EXOC6B: variants seen among roughly 807,000 people sequenced by gnomAD.
EXOC6B encodes the protein SEC15 homolog B.
A neutral mutation model predicts 113.5 loss-of-function variants in EXOC6B; 54 were observed. That is an observed-to-expected ratio of 0.48 (90% CI 0.38 to 0.60). The LOEUF (loss-of-function observed/expected upper bound fraction) is 0.60, where lower values mean the gene tolerates loss of function less well. Ranked by LOEUF, EXOC6B falls within the 20% of genes least tolerant of loss-of-function variation. The pLI, the probability that EXOC6B is intolerant of heterozygous loss-of-function variation, is 0.00. For synonymous variants in EXOC6B, 357 were observed against 339.0 expected (o/e 1.05, Z -0.58); for missense variants, 797 against 977.5 (o/e 0.82, Z 2.46).
intron 20 of EXOC6B, among the ~76,000 whole-genome samples, chr2:72,316,358 C>G (rs1687513695): frequency 6.6e-6 from 1 of 152,152 alleles, no homozygotes; most frequent in African/African-American, 2.4e-5. Flanking sequence ...TGATAGCCCT[C>G]CTTCAGTAGC....
intron 20 of EXOC6B, among the ~76,000 whole-genome samples, chr2:72,298,386 C>T (rs1558533830): frequency 1.3e-5 from 2 of 152,074 alleles, no homozygotes; most frequent in Non-Finnish European, 2.9e-5. Context: ...TGTCTTTGCA[C>T]ATGAGATGGA....
At chr2:72,761,186 A>G (rs1457336930) in intron 1 of EXOC6B, among the ~76,000 whole-genome samples, 1 of 152,148 alleles carries the variant, frequency 6.6e-6, no homozygotes, top group Non-Finnish European at 1.5e-5. Context: ...CTCAAAAAAA[A>G]AAGACATATG....
At position 72,528,154 on chromosome 2, in the gene EXOC6B, A is replaced by G. The variant is rs4491747; in HGVS notation, c.916-13028T>C. Among the ~76,000 whole-genome samples the G allele has an allele frequency of 5.5e-3, 842 of 151,996 alleles. 10 individuals are homozygous for G. The highest frequency in any genetic ancestry group is 0.017 in the African/African-American group (688 of 41,526). ...CCTTAGATTCTGAAGATTTTCCCCT[A>G]TTTTTTTCTAAATGGTTTGAAGTTT... On this transcript the variant is annotated intron_variant, in intron 8 of 21. Transcript: ENST00000272427.
At chr2:72,624,132 GATC>G (rs1336046572) in intron 6 of EXOC6B, among the ~76,000 whole-genome samples, 2 of 152,000 alleles carry the variant, frequency 1.3e-5, no homozygotes, top group African/African-American at 2.4e-5. Flanking sequence ...ATCAAAATCA[GATC>G]ATCTTTTTTT....
At chr2:72,277,531 C>T (rs1055688237) in intron 20 of EXOC6B, among the ~76,000 whole-genome samples, 8 of 151,694 alleles carry the variant, frequency 5.3e-5, no homozygotes, top group African/African-American at 9.7e-5. Context: ...GTCACCCATG[C>T]TGGAGTGCAG....
At chr2:72,657,387 C>T (rs562453813) in intron 6 of EXOC6B, among the ~76,000 whole-genome samples, 77 of 151,272 alleles carry the variant, frequency 5.1e-4, no homozygotes, top group Non-Finnish European at 8.3e-4. Context: ...CACCACACAC[C>T]CAGCTAATAT....
intron 20 of EXOC6B, among the ~76,000 whole-genome samples, chr2:72,222,123 T>C (rs1418338284): frequency 1.3e-5 from 2 of 152,218 alleles, no homozygotes; most frequent in Non-Finnish European, 2.9e-5. Flanking sequence ...CCAGGGAAGA[T>C]GGGGACTCTT....
At chr2:72,185,489 A>ACT (rs1029617871) in intron 20 of EXOC6B, among the ~76,000 whole-genome samples, 1 of 152,208 alleles carries the variant, frequency 6.6e-6, no homozygotes, top group African/African-American at 2.4e-5. Context: ...AAAACTTAGA[A>ACT]AAGTCCCTAT....
intron 1 of EXOC6B, among the ~76,000 whole-genome samples, chr2:72,797,386 G>A (rs1486074367): frequency 6.6e-6 from 1 of 152,044 alleles, no homozygotes; most frequent in Non-Finnish European, 1.5e-5. Context: ...TTTAATGTGG[G>A]AAAAGAGATA....
intron 20 of EXOC6B, among the ~76,000 whole-genome samples, chr2:72,195,257 C>T (rs41397): frequency 3.3e-5 from 5 of 151,960 alleles, no homozygotes; most frequent in Admixed American, 6.6e-5. Context: ...CCTTTGAGTC[C>T]GAGACTGTCC....
intron 8 of EXOC6B, among the ~76,000 whole-genome samples, chr2:72,557,892 T>C (rs531458234): frequency 6.6e-6 from 1 of 152,212 alleles, no homozygotes; most frequent in Non-Finnish European, 1.5e-5. Flanking sequence ...AGAACATAAA[T>C]AATGGTGGGC....
chr2:72,512,073 G>A (rs1444700900), intron 11 of EXOC6B, among the ~76,000 whole-genome samples: 1 of 152,016 alleles, frequency 6.6e-6, no homozygotes, highest in Non-Finnish European at 1.5e-5. Flanking sequence ...GGTCTTCTTT[G>A]CATAAATGGT....
intron 18 of EXOC6B, among the ~76,000 whole-genome samples, chr2:72,388,861 A>G (rs1692210215): frequency 6.6e-6 from 1 of 152,150 alleles, no homozygotes; most frequent in South Asian, 2.1e-4. Context: ...AGACATTAAT[A>G]CAGAAACTCA....
intron 20 of EXOC6B, among the ~76,000 whole-genome samples, chr2:72,226,708 A>G (rs1179903403): frequency 6.6e-6 from 1 of 152,244 alleles, no homozygotes; most frequent in African/African-American, 2.4e-5. Flanking sequence ...TGACTAGGTC[A>G]TAATGTCATT....
At chr2:72,515,254 A>G (rs1701154670) in intron 8 of EXOC6B, 128 bp from the exon 9 acceptor site, 8 of 950,762 alleles carry the variant, frequency 8.4e-6, no homozygotes, top group Non-Finnish European at 1.3e-5. Context: ...TGCTATTTTA[A>G]CATTGATGAT....
At chr2:72,625,242 T>C (rs959064094) in intron 6 of EXOC6B, among the ~76,000 whole-genome samples, 2 of 151,170 alleles carry the variant, frequency 1.3e-5, no homozygotes, top group East Asian at 3.9e-4. Context: ...CATATATATA[T>C]GAATATATAT....
intron 6 of EXOC6B, among the ~76,000 whole-genome samples, chr2:72,690,533 A>C (rs903721285): frequency 2.0e-4 from 30 of 152,192 alleles, no homozygotes; most frequent in African/African-American, 6.5e-4. Flanking sequence ...ACAGCCACAC[A>C]AAAAAAGTCA....
At chr2:72,428,722 C>T (rs1695351335) in intron 18 of EXOC6B, among the ~76,000 whole-genome samples, 1 of 152,184 alleles carries the variant, frequency 6.6e-6, no homozygotes, top group African/African-American at 2.4e-5. Context: ...AAAAAAGCAA[C>T]ACCCCAAAGA....
At chr2:72,742,286 G>A (rs1394189545) in intron 1 of EXOC6B, among the ~76,000 whole-genome samples, 1 of 151,996 alleles carries the variant, frequency 6.6e-6, no homozygotes, top group African/African-American at 2.4e-5. Flanking sequence ...TTTACTAGAT[G>A]ATTCTCATGT....
Sources: gnomAD v4.1 joint callset for allele counts (sites outside exome capture counted in the v4.1 genomes callset) on GRCh38, gnomAD v4.1.1 for gene constraint, MANE v1.5 for transcripts, NCBI Gene and HGNC (gene_info 2026-07-23, HGNC 2026-07-21) for gene names.